TXNRD1: variants seen among roughly 807,000 people sequenced by gnomAD.
TXNRD1 encodes thioredoxin reductase 1.
In TXNRD1, 57 loss-of-function variants were observed where a neutral mutation model predicts 80.3. The observed-to-expected ratio is 0.71, with a 90% CI of 0.57 to 0.89. The LOEUF (loss-of-function observed/expected upper bound fraction) is 0.89. TXNRD1 is among the 40% of genes least tolerant of loss of function. The probability of loss-of-function intolerance (pLI) is 0.00; values close to 1 mark genes in which losing one functional copy is unlikely to be tolerated. For missense variants in TXNRD1, 730 were observed against 803.0 expected (o/e 0.91, Z 1.10); for synonymous variants, 291 against 285.2 (o/e 1.02, Z -0.20).
chr12:104,314,480 A>G (rs1313201494), intron 6 of TXNRD1, among the ~76,000 whole-genome samples: 1 of 152,170 alleles, frequency 6.6e-6, no homozygotes, highest in Non-Finnish European at 1.5e-5. Flanking sequence ...CATATACTCC[A>G]GAGTGACAAC....
intron 1 of TXNRD1, among the ~76,000 whole-genome samples, chr12:104,218,773 A>T (rs2032280362): frequency 6.6e-6 from 1 of 151,630 alleles, no homozygotes; most frequent in African/African-American, 2.4e-5. Context: ...AAGCCCAGCT[A>T]ATTTTTTTAC....
At chr12:104,264,982 A>G (rs1210230426) in intron 3 of TXNRD1, among the ~76,000 whole-genome samples, 1 of 152,172 alleles carries the variant, frequency 6.6e-6, no homozygotes, top group Non-Finnish European at 1.5e-5. Flanking sequence ...GGCCAGGTGC[A>G]GTGGCTCCTG....
rs564059927 is a variant in TXNRD1, at chr12:104,228,947, C to G, written c.91+13054C>G. 3.5e-4 allele frequency among the ~76,000 whole-genome samples: 53 copies of G among 151,928 alleles called. 1 individual carries two copies. Among genetic ancestry groups the G allele is most frequent in the African/African-American group, 1.2e-3 (51 of 41,474 alleles). On this transcript the variant is annotated intron_variant, in intron 1 of 16. Transcript: ENST00000525566. ...TGTTAGCCAGGCTGGTCTCGATCTC[C>G]TGACCTGGTGATCCCCCCGCCTCGG...
intron 16 of TXNRD1, 177 bp downstream of exon 16, chr12:104,339,450 C>G (rs770666944): frequency 9.4e-6 from 8 of 855,426 alleles, no homozygotes; most frequent in Non-Finnish European, 1.6e-5. Context: ...ATGGTATGAA[C>G]TGGAGGCTTC....
chr12:104,303,901 C>T (rs764604963), intron 4 of TXNRD1: 3 of 1,547,100 alleles, frequency 1.9e-6, no homozygotes, highest in African/African-American at 2.7e-5. Flanking sequence ...GTAGCGAGTA[C>T]GCGGCGAAGT....
intron 4 of TXNRD1, among the ~76,000 whole-genome samples, chr12:104,294,889 T>TGG (rs1268056166): frequency 6.6e-6 from 1 of 152,248 alleles, no homozygotes; most frequent in East Asian, 1.9e-4. Flanking sequence ...TTAACTATTC[T>TGG]TAACTGCAGA....
At chr12:104,288,263 A>G (rs12302458) in intron 3 of TXNRD1, among the ~76,000 whole-genome samples, 4,451 of 152,254 alleles carry the variant, frequency 0.029, 232 homozygotes, top group African/African-American at 0.1. Flanking sequence ...AAGCAGCTAT[A>G]CTTTTGAATG....
intron 3 of TXNRD1, among the ~76,000 whole-genome samples, chr12:104,278,871 GC>G (rs1467192250): frequency 1.3e-5 from 2 of 152,090 alleles, no homozygotes; most frequent in Non-Finnish European, 2.9e-5. Flanking sequence ...CCTTGTAAAA[GC>G]TTTTTTTTCT....
chr12:104,333,519 C>T (rs1024845716), intron 14 of TXNRD1, among the ~76,000 whole-genome samples: 1 of 151,928 alleles, frequency 6.6e-6, no homozygotes, highest in Non-Finnish European at 1.5e-5. Flanking sequence ...TTTTGTAACC[C>T]ATGTTTATTT....
At chr12:104,321,727 C>T (rs2035538657) in intron 10 of TXNRD1, among the ~76,000 whole-genome samples, 2 of 151,998 alleles carry the variant, frequency 1.3e-5, no homozygotes, top group Admixed American at 1.3e-4. Flanking sequence ...ATAACATAAA[C>T]ACTACATAAA....
At chr12:104,247,615 T>C (rs1219473330) in intron 1 of TXNRD1, among the ~76,000 whole-genome samples, 2 of 150,614 alleles carry the variant, frequency 1.3e-5, no homozygotes, top group Admixed American at 6.6e-5. Flanking sequence ...CCTATCTATT[T>C]ATCTTTCCAT....
chr12:104,318,967 T>A lies in TXNRD1; in HGVS notation c.785T>A (p.Leu262Ter). 6.2e-7 allele frequency: 1 copy of A among 1,613,986 alleles called. No individual in the cohort carries two copies. The change falls in exon 8 of 17, where the codon TTG (leucine) becomes TAG (stop). Residue 262 changes from leucine to a stop codon, truncating the protein, a stop_gained. Transcript: ENST00000525566. LOFTEE classifies it high-confidence loss of function. ...IEAVQNHIGS[L>*]NWGYRVALRE... ...GCTGTACAGAATCACATTGGCTCTT[T>A]GAATTGGGGCTACCGAGTAGCTCTG...
chr12:104,324,357 T>C (rs1400147676), intron 10 of TXNRD1, among the ~76,000 whole-genome samples: 1 of 150,956 alleles, frequency 6.6e-6, no homozygotes, highest in Non-Finnish European at 1.5e-5. Context: ...GGTTTCGTTT[T>C]TTTTTTTTTT....
chr12:104,334,291 A>G lies in TXNRD1; in HGVS notation c.1705A>G (p.Asn569Asp), dbSNP rs761654538. The change falls in exon 15 of 17, where the codon AAC becomes GAC. Residue 569 changes from asparagine (N) to aspartate (D), a missense_variant. By Grantham distance (23) the Asn-to-Asp change is conservative. Transcript: ENST00000525566. ...ATGGACGATTCCGTCAAGAGATAAC[A>G]ACAAATGTTATGCAAAAATAATCTG... ...LEWTIPSRDN[N>D]KCYAKIICNT... The G allele has an allele frequency of 1.6e-5, 25 of 1,537,962 alleles. No homozygotes were observed. The highest frequency in any genetic ancestry group is 7.0e-6 in the Non-Finnish European group (8 of 1,139,032).
chr12:104,330,256 TGTATAA>T (rs1012367656), intron 13 of TXNRD1, among the ~76,000 whole-genome samples: 4 of 152,234 alleles, frequency 2.6e-5, no homozygotes, highest in East Asian at 1.9e-4. Context: ...ATCGCCTCTG[TGTATAA>T]GTATAACTGC....
chr12:104,226,082 C>A (rs2032466983), intron 1 of TXNRD1, among the ~76,000 whole-genome samples: 1 of 152,036 alleles, frequency 6.6e-6, no homozygotes, highest in African/African-American at 2.4e-5. Context: ...CACCTGTAAT[C>A]CCAGCTACTT....
intron 3 of TXNRD1, chr12:104,258,328 A>G (rs553288823): frequency 3.7e-4 from 131 of 357,830 alleles, no homozygotes; most frequent in Middle Eastern, 7.4e-4. Flanking sequence ...TCTTCTTATT[A>G]CTCATGAATC....
At chr12:104,322,759 A>G (rs550058621) in intron 10 of TXNRD1, among the ~76,000 whole-genome samples, 2 of 152,078 alleles carry the variant, frequency 1.3e-5, no homozygotes, top group South Asian at 4.1e-4. Flanking sequence ...TTGTATGTAT[A>G]TGCTGTACTG....
chr12:104,328,373 A>G (rs1234886429), intron 13 of TXNRD1, among the ~76,000 whole-genome samples: 1 of 152,172 alleles, frequency 6.6e-6, no homozygotes, highest in Non-Finnish European at 1.5e-5. Context: ...TATCTAGGCT[A>G]TAAAAGGACT....
Sources: gnomAD v4.1 joint callset for allele counts (sites outside exome capture counted in the v4.1 genomes callset) on GRCh38, gnomAD v4.1.1 for gene constraint, MANE v1.5 for transcripts, NCBI Gene and HGNC (gene_info 2026-07-23, HGNC 2026-07-21) for gene names.